F13A1: variants seen among roughly 807,000 people sequenced by gnomAD.
F13A1 encodes coagulation factor XIII A chain, also known as FSF, A subunit.
A neutral mutation model predicts 80.1 loss-of-function variants in F13A1; 47 were observed. That is an observed-to-expected ratio of 0.59 (90% CI 0.46 to 0.75). The LOEUF (loss-of-function observed/expected upper bound fraction) is 0.75, where lower values mean the gene tolerates loss of function less well. Ranked by LOEUF, F13A1 falls within the 30% of genes least tolerant of loss-of-function variation. F13A1 has a pLI of 0.00. For missense variants in F13A1, 817 were observed against 930.4 expected, an observed-to-expected ratio of 0.88 and a Z score of 1.59; for synonymous variants, 349 against 344.9, an observed-to-expected ratio of 1.01 and a Z score of -0.13.
chr6:6,311,807 T>A (rs972284102), intron 2 of F13A1, among the ~76,000 whole-genome samples: 10 of 146,402 alleles, frequency 6.8e-5, no homozygotes, highest in Non-Finnish European at 1.1e-4. Flanking sequence ...TATTATATAT[T>A]GTTTATATAT....
intron 6 of F13A1, among the ~76,000 whole-genome samples, chr6:6,226,662 GA>G (rs561828399): frequency 6.6e-6 from 1 of 151,788 alleles, no homozygotes; most frequent in Admixed American, 6.6e-5. Context: ...TGGGAACAAA[GA>G]AAAAAAATCT....
intron 6 of F13A1, among the ~76,000 whole-genome samples, chr6:6,239,392 T>G (rs983318166): frequency 2.0e-5 from 3 of 152,076 alleles, no homozygotes; most frequent in African/African-American, 7.2e-5. Context: ...ATTGGGGTGG[T>G]GATTACCCCA....
chr6:6,167,325 A>ATTT, intron 13 of F13A1, 133 bp downstream of exon 13: 9 of 784,334 alleles, frequency 1.1e-5, no homozygotes, highest in Admixed American at 9.2e-5. Flanking sequence ...TAGCACTGGT[A>ATTT]TTTTTTTTTT....
chr6:6,271,252 C>T (rs1292306179), intron 3 of F13A1, among the ~76,000 whole-genome samples: 1 of 152,170 alleles, frequency 6.6e-6, no homozygotes, highest in African/African-American at 2.4e-5. Context: ...AGTGACAGCA[C>T]TGGGGAAGTA....
At chr6:6,268,687 AT>A (rs71540894) in intron 3 of F13A1, among the ~76,000 whole-genome samples, 3,718 of 137,322 alleles carry the variant, frequency 0.027, 118 homozygotes, top group African/African-American at 0.087. Context: ...GGGGGCACTC[AT>A]TTTTTTTTTT....
chr6:6,317,787 C>CA (rs574876218), intron 2 of F13A1, among the ~76,000 whole-genome samples: 7 of 152,118 alleles, frequency 4.6e-5, no homozygotes, highest in Non-Finnish European at 1.0e-4. Context: ...ATGTTATTGA[C>CA]AAAAAAGACT....
At chr6:6,239,346 G>A (rs937667011) in intron 6 of F13A1, among the ~76,000 whole-genome samples, 2 of 152,186 alleles carry the variant, frequency 1.3e-5, no homozygotes, top group Admixed American at 6.5e-5. Context: ...GAAGCACGAG[G>A]GAAACTTCTG....
chr6:6,287,382 C>T (rs1758153516), intron 3 of F13A1, among the ~76,000 whole-genome samples: 2 of 152,124 alleles, frequency 1.3e-5, no homozygotes, highest in South Asian at 4.1e-4. Context: ...AAATGAGCCA[C>T]GTTTATGAAT....
intron 4 of F13A1, among the ~76,000 whole-genome samples, chr6:6,254,596 G>T (rs1757679824): frequency 6.6e-6 from 1 of 152,136 alleles, no homozygotes; most frequent in African/African-American, 2.4e-5. Context: ...TACATAAAAT[G>T]ATAGCAAAGT....
intron 3 of F13A1, among the ~76,000 whole-genome samples, chr6:6,286,145 C>T (rs1758136928): frequency 6.6e-6 from 1 of 152,232 alleles, no homozygotes; most frequent in African/African-American, 2.4e-5. Flanking sequence ...TGCCTGTCAT[C>T]TCAGCACTTT....
intron 3 of F13A1, among the ~76,000 whole-genome samples, chr6:6,276,851 AAACTT>A (rs1176510358): frequency 6.6e-6 from 1 of 152,216 alleles, no homozygotes; most frequent in Non-Finnish European, 1.5e-5. Flanking sequence ...AAATCTTACT[AAACTT>A]ATTTTATTTT....
intron 3 of F13A1, among the ~76,000 whole-genome samples, chr6:6,284,149 T>G (rs1054762879): frequency 6.6e-6 from 1 of 152,256 alleles, no homozygotes; most frequent in African/African-American, 2.4e-5. Flanking sequence ...GTGATTTTTT[T>G]TCCTGAAATT....
At chr6:6,207,001 A>G (rs1173105731) in intron 8 of F13A1, among the ~76,000 whole-genome samples, 4 of 152,004 alleles carry the variant, frequency 2.6e-5, no homozygotes, top group Admixed American at 6.6e-5. Context: ...CCATAGAGCA[A>G]TGAGAACACT....
chr6:6,256,644 G>A (rs997151521), intron 4 of F13A1, among the ~76,000 whole-genome samples: 2 of 152,004 alleles, frequency 1.3e-5, no homozygotes, highest in African/African-American at 4.8e-5. Flanking sequence ...GAAAATTTGG[G>A]GTGGATTTCA....
chr6:6,316,077 GCATATATATATA>G (rs1179725611), intron 2 of F13A1, among the ~76,000 whole-genome samples: 16 of 49,650 alleles, frequency 3.2e-4, no homozygotes, highest in Admixed American at 8.9e-4. Context: ...ATGTGTGTGT[GCATATATATATA>G]TATATATATA....
At position 6,144,264 on chromosome 6, in the gene F13A1, C is replaced by A. The variant is rs1456261250; in HGVS notation, c.*1355G>T. On this transcript the variant is annotated 3_prime_UTR_variant, in exon 15 of 15. Transcript: ENST00000264870. ...AAGTATGATGTATATATAGAGGGGA[C>A]CAGCTCACCCTCATAGGTTAGTGCT... is the stretch of plus-strand genomic sequence containing the variant. 3 of 152,106 alleles carry A rather than the reference C, an allele frequency of 2.0e-5. No homozygotes were observed. Among genetic ancestry groups the A allele is most frequent in the Non-Finnish European group, 4.4e-5 (3 of 68,016 alleles). 9.4% of individuals were successfully genotyped at this position (152,106 alleles called of 1,614,324 possible).
chr6:6,205,777 AAAAT>A (rs1304670720), intron 8 of F13A1, among the ~76,000 whole-genome samples: 1 of 152,170 alleles, frequency 6.6e-6, no homozygotes, highest in Non-Finnish European at 1.5e-5. Context: ...AAATTTGGCA[AAAAT>A]AAAACACAAG....
chr6:6,316,091 A>G (rs1463444960), intron 2 of F13A1, among the ~76,000 whole-genome samples: 41 of 14,336 alleles, frequency 2.9e-3, no homozygotes, highest in South Asian at 5.1e-3. Flanking sequence ...ATATATATAT[A>G]TATATATATA....
intron 8 of F13A1, among the ~76,000 whole-genome samples, chr6:6,208,809 A>G (rs1761543622): frequency 6.6e-6 from 1 of 152,148 alleles, no homozygotes; most frequent in Non-Finnish European, 1.5e-5. Context: ...ATTTCTATTT[A>G]TACTTCATAC....
Sources: gnomAD v4.1 joint callset for allele counts (sites outside exome capture counted in the v4.1 genomes callset) on GRCh38, gnomAD v4.1.1 for gene constraint, MANE v1.5 for transcripts, NCBI Gene and HGNC (gene_info 2026-07-23, HGNC 2026-07-21) for gene names.